The following FYB1 variants were observed in gnomAD, a reference collection of about 807,000 sequenced individuals.
FYB1 encodes the protein FYN binding protein 1, also known as FYN-binding protein 1.
A neutral mutation model predicts 94.1 loss-of-function variants in FYB1; 41 were observed. That is an observed-to-expected ratio of 0.44 (90% CI 0.34 to 0.57). FYB1 has a LOEUF of 0.57. Ranked by LOEUF, FYB1 falls within the 20% of genes least tolerant of loss-of-function variation. FYB1 has a pLI of 0.02. For missense variants in FYB1, 1,050 were observed against 976.8 expected, an observed-to-expected ratio of 1.07 and a Z score of -1.00; for synonymous variants, 367 against 353.2, an observed-to-expected ratio of 1.04 and a Z score of -0.44.
At chr5:39,140,216 A>G (rs1317911196) in intron 4 of FYB1, among the ~76,000 whole-genome samples, 1 of 152,206 alleles carries the variant, frequency 6.6e-6, no homozygotes, top group Admixed American at 6.5e-5. Flanking sequence ...ATGGGAGAAG[A>G]TATTTGCAAT....
chr5:39,254,117 C>T (rs1030565334), intron 1 of FYB1, among the ~76,000 whole-genome samples: 9 of 152,140 alleles, frequency 5.9e-5, no homozygotes, highest in South Asian at 2.1e-4. Context: ...TAGGTGGATT[C>T]CATGTCTTTG....
At chr5:39,238,158 A>T (rs963992289) in intron 1 of FYB1, among the ~76,000 whole-genome samples, 1 of 152,030 alleles carries the variant, frequency 6.6e-6, no homozygotes, top group Non-Finnish European at 1.5e-5. Flanking sequence ...AAATTTTGTT[A>T]TGTGTATTTT....
chr5:39,188,307 C>T (rs942758842), intron 2 of FYB1, among the ~76,000 whole-genome samples: 15 of 152,166 alleles, frequency 9.9e-5, no homozygotes, highest in African/African-American at 3.4e-4. Context: ...CAAGAACAAC[C>T]ACAGACCTAC....
At chr5:39,272,345 A>C (rs1230733340) in intron 1 of FYB1, among the ~76,000 whole-genome samples, 1 of 152,148 alleles carries the variant, frequency 6.6e-6, no homozygotes, top group Non-Finnish European at 1.5e-5. Context: ...GTTAATCAAC[A>C]TGTTTACCCC....
intron 3 of FYB1, among the ~76,000 whole-genome samples, chr5:39,147,321 G>C (rs961202344): frequency 6.6e-6 from 1 of 151,754 alleles, no homozygotes; most frequent in Admixed American, 6.6e-5. Flanking sequence ...CCAGGCTGGA[G>C]TGTAGTGGAG....
chr5:39,203,057 C>T (rs979618787), intron 1 of FYB1, 70 bp from the exon 2 acceptor site: 1 of 1,334,204 alleles, frequency 7.5e-7, no homozygotes, highest in Non-Finnish European at 1.0e-6. Context: ...AATACTATAC[C>T]TTACAGAGCT....
intron 1 of FYB1, among the ~76,000 whole-genome samples, chr5:39,231,266 C>T (rs1642529): frequency 0.14 from 20,944 of 151,698 alleles, 3,825 homozygotes; most frequent in African/African-American, 0.4. Context: ...CATTTCCATC[C>T]TCAATTCCAT....
At chr5:39,207,237 C>T (rs1748941380) in intron 1 of FYB1, among the ~76,000 whole-genome samples, 1 of 152,140 alleles carries the variant, frequency 6.6e-6, no homozygotes, top group Non-Finnish European at 1.5e-5. Flanking sequence ...ATTATTTCTA[C>T]CTGCTATGTA....
chr5:39,136,007 T>C (rs1311234427), intron 7 of FYB1, among the ~76,000 whole-genome samples: 4 of 152,148 alleles, frequency 2.6e-5, no homozygotes, highest in Non-Finnish European at 4.4e-5. Context: ...AGAAGAAACA[T>C]GGAAAAACCC....
At chr5:39,238,618 A>C (rs1751071832) in intron 1 of FYB1, among the ~76,000 whole-genome samples, 1 of 152,050 alleles carries the variant, frequency 6.6e-6, no homozygotes, top group African/African-American at 2.4e-5. Flanking sequence ...TGGGTGCAAG[A>C]AGAGAGAAAA....
At chr5:39,172,598 C>A (rs1314920449) in intron 2 of FYB1, among the ~76,000 whole-genome samples, 1 of 152,158 alleles carries the variant, frequency 6.6e-6, no homozygotes, top group African/African-American at 2.4e-5. Flanking sequence ...CACCTTCCTC[C>A]CTCCCTCCTG....
At chr5:39,158,585 A>G (rs1209497250) in intron 2 of FYB1, among the ~76,000 whole-genome samples, 1 of 152,218 alleles carries the variant, frequency 6.6e-6, no homozygotes, top group Non-Finnish European at 1.5e-5. Context: ...TTTGCATTTT[A>G]TGTATTTCTG....
At chr5:39,153,300 G>C (rs1025242249) in intron 3 of FYB1, 148 bp downstream of exon 3, 1 of 929,266 alleles carries the variant, frequency 1.1e-6, no homozygotes, top group Non-Finnish European at 1.7e-6. Context: ...GGCCAGCTCG[G>C]CCAGCTCAGC....
At chr5:39,232,575 T>A (rs1161581006) in intron 1 of FYB1, among the ~76,000 whole-genome samples, 11 of 152,076 alleles carry the variant, frequency 7.2e-5, no homozygotes, top group Non-Finnish European at 1.2e-4. Flanking sequence ...TTGCTTTTTT[T>A]AAAAATTATA....
intron 1 of FYB1, among the ~76,000 whole-genome samples, chr5:39,216,183 T>C (rs536103645): frequency 3.9e-5 from 6 of 152,298 alleles, no homozygotes; most frequent in African/African-American, 1.2e-4. Flanking sequence ...AGCTGCCTAG[T>C]TTGTGGTACT....
At chr5:39,263,075 G>T (rs700196) in intron 1 of FYB1, among the ~76,000 whole-genome samples, 2,694 of 152,268 alleles carry the variant, frequency 0.018, 95 homozygotes, top group African/African-American at 0.062. Flanking sequence ...ATGAGCATTT[G>T]TTGTATTATG....
intron 1 of FYB1, among the ~76,000 whole-genome samples, chr5:39,270,361 CA>C (rs1160191768): frequency 6.6e-6 from 1 of 151,738 alleles, no homozygotes; most frequent in African/African-American, 2.4e-5. Context: ...AGGCTAGAAT[CA>C]AAAAAAGGGA....
At chr5:39,159,072 G>A (rs2150370488) in intron 2 of FYB1, among the ~76,000 whole-genome samples, 1 of 152,308 alleles carries the variant, frequency 6.6e-6, no homozygotes, top group African/African-American at 2.4e-5. Flanking sequence ...ACATGTGAAA[G>A]CATCTTAAAA....
intron 3 of FYB1, among the ~76,000 whole-genome samples, chr5:39,150,208 A>G (rs1040297609): frequency 2.0e-5 from 3 of 152,312 alleles, no homozygotes; most frequent in Middle Eastern, 3.4e-3. Context: ...TTGGGAAATC[A>G]GGAGAGAGAG....
Sources: allele counts gnomAD v4.1 joint callset (sites outside exome capture counted in the v4.1 genomes callset), GRCh38; gene constraint gnomAD v4.1.1; transcripts MANE v1.5; gene names NCBI Gene and HGNC (gene_info 2026-07-23, HGNC 2026-07-21).